The following CHKA variants were observed in gnomAD, a reference collection of about 807,000 sequenced individuals.
The protein encoded by CHKA is choline kinase alpha, also known as CHETK-alpha.
A neutral mutation model predicts 60.1 loss-of-function variants in CHKA; 34 were observed. The ratio of observed to expected loss-of-function variants is 0.57; its 90% CI spans 0.43 to 0.75. The LOEUF (loss-of-function observed/expected upper bound fraction) is 0.75, where lower values mean the gene tolerates loss of function less well. CHKA is among the 30% of genes least tolerant of loss of function. CHKA has a pLI of 0.00. For missense variants in CHKA, 563 were observed against 561.3 expected, an observed-to-expected ratio of 1.00 and a Z score of -0.03; for synonymous variants, 217 against 223.1, an observed-to-expected ratio of 0.97 and a Z score of 0.24.
At chr11:68,065,212 G>C (rs1466219777) in intron 9 of CHKA, among the ~76,000 whole-genome samples, 1 of 152,178 alleles carries the variant, frequency 6.6e-6, no homozygotes, top group African/African-American at 2.4e-5. Context: ...CCAGAAAGCA[G>C]AATCAAGGCT....
At chr11:68,075,612 C>T (rs1468893213) in intron 3 of CHKA, among the ~76,000 whole-genome samples, 1 of 152,054 alleles carries the variant, frequency 6.6e-6, no homozygotes, top group Non-Finnish European at 1.5e-5. Context: ...GAAGGAGTCA[C>T]GCTTACCCAG....
At position 68,111,636 on chromosome 11, in the gene CHKA, C is replaced by G. The variant is rs1422561283; in HGVS notation, c.350+9192G>C. Among the ~76,000 whole-genome samples the G allele has an allele frequency of 4.6e-5, 7 of 152,210 alleles. No homozygotes were observed. The East Asian group carries it at 1.4e-3, about 29-fold the overall frequency. ...TTGGCAAAAGAAAGGACAAATGGATCAATGGAACAGACTAGAGAGTACAGA... is the reference window on the plus strand; with the variant it reads ...TTGGCAAAAGAAAGGACAAATGGATGAATGGAACAGACTAGAGAGTACAGA... On this transcript the variant is annotated intron_variant, in intron 1 of 11. Transcript: ENST00000265689.
At chr11:68,113,560 G>T (rs1416647423) in intron 1 of CHKA, among the ~76,000 whole-genome samples, 1 of 152,156 alleles carries the variant, frequency 6.6e-6, no homozygotes, top group East Asian at 1.9e-4. Context: ...GCCGGGCATG[G>T]TGGCAGGCGC....
intron 1 of CHKA, among the ~76,000 whole-genome samples, chr11:68,101,910 G>A (rs1293119031): frequency 6.6e-6 from 1 of 151,910 alleles, no homozygotes; most frequent in Admixed American, 6.6e-5. Flanking sequence ...GACCAGCCTC[G>A]CCAACATGAT....
intron 2 of CHKA, 69 bp downstream of exon 2, chr11:68,096,950 G>C: frequency 9.5e-7 from 1 of 1,050,090 alleles, no homozygotes; most frequent in Non-Finnish European, 1.4e-6. Flanking sequence ...CTCTTTCCAA[G>C]GTATCTCAGC....
chr11:68,066,344 C>A lies in CHKA; in HGVS notation c.1016+85G>T. On this transcript the variant is annotated intron_variant, in intron 8 of 11. Coordinates refer to ENST00000265689, the MANE Select transcript of CHKA (RefSeq NM_001277.3). Reference sequence around the variant, plus strand: ...CTTGCAACTCAGAGCGGCATTTTGACTTATTTTCTCTAATAACTGTTAATT... The same window carrying A: ...CTTGCAACTCAGAGCGGCATTTTGAATTATTTTCTCTAATAACTGTTAATT... The A allele has an allele frequency of 2.5e-6, 3 of 1,199,136 alleles. No individual in the cohort carries two copies. In the South Asian group the frequency reaches 3.8e-5, roughly 15 times the overall value. The allele number at this position is 1,199,136 out of a possible 1,614,324, so 74.3% of individuals were successfully genotyped here.
chr11:68,084,365 TATATAC>T (rs1857101298), intron 2 of CHKA, among the ~76,000 whole-genome samples: 1 of 126,576 alleles, frequency 7.9e-6, no homozygotes, highest in Non-Finnish European at 1.7e-5. Context: ...TATATACACA[TATATAC>T]GTATATGTGT....
rs765319022 is a variant in CHKA, at chr11:68,064,605, A to C, written c.1152T>G (p.Pro384=). 3 of 1,594,196 alleles carry C rather than the reference A, an allele frequency of 1.9e-6. No individual in the cohort carries two copies. Among genetic ancestry groups the C allele is most frequent in the Non-Finnish European group, 2.6e-6 (3 of 1,172,020 alleles). Residue 384 remains proline, a synonymous_variant, in exon 10 of 12, where the codon CCT becomes CCG. Coordinates refer to ENST00000265689, the MANE Select transcript of CHKA (RefSeq NM_001277.3). ...QQLHFISSYL[P]AFQNDFENLS... ...GGTTTTCAAAGTCATTTTGGAATGC[A>C]GGCAAGTAACTGGAAATAAAATGGA...
intron 3 of CHKA, among the ~76,000 whole-genome samples, chr11:68,078,987 G>T (rs1856884227): frequency 6.6e-6 from 1 of 151,946 alleles, no homozygotes; most frequent in African/African-American, 2.4e-5. Flanking sequence ...AGGCTGGAGT[G>T]CAGTGGCAAG....
intron 2 of CHKA, among the ~76,000 whole-genome samples, chr11:68,094,621 T>C (rs1857443246): frequency 6.6e-6 from 1 of 152,224 alleles, no homozygotes; most frequent in African/African-American, 2.4e-5. Flanking sequence ...TGCAACCTGA[T>C]TAAATTTAAA....
Position 68,120,816 on chromosome 11 carries a change from G to C in CHKA, c.350+12C>G, listed in dbSNP as rs1858609108. On this transcript the variant is annotated intron_variant, in intron 1 of 11. Transcript: ENST00000265689. ...TGACTGTCCCGCGGCCCCCAGACCC[G>C]GCGCCACCGACCTGATGACACTGAT... 1.3e-5 allele frequency: 15 copies of C among 1,148,152 alleles called. No homozygotes were observed. The highest frequency in any genetic ancestry group is 1.5e-5 in the Non-Finnish European group (14 of 922,348). The allele number at this position is 1,148,152 out of a possible 1,614,324, so 71.1% of individuals were successfully genotyped here. A position where few individuals can be genotyped will look rare whatever the true frequency, so the allele number is the denominator to read the frequency against.
At chr11:68,103,521 T>C (rs758453207) in intron 1 of CHKA, among the ~76,000 whole-genome samples, 22 of 152,040 alleles carry the variant, frequency 1.4e-4, no homozygotes, top group Non-Finnish European at 2.9e-4. Flanking sequence ...CAATGTAAGT[T>C]AGTACAGATA....
chr11:68,075,123 T>C (rs1163553013), intron 3 of CHKA, among the ~76,000 whole-genome samples: 1 of 152,210 alleles, frequency 6.6e-6, no homozygotes, highest in East Asian at 1.9e-4. Context: ...TCAGTGCTTT[T>C]ATTGCTTCTA....
chr11:68,056,354 T>A (rs1433269665), intron 11 of CHKA, among the ~76,000 whole-genome samples: 1 of 152,214 alleles, frequency 6.6e-6, no homozygotes, highest in Non-Finnish European at 1.5e-5. Context: ...AGCTAGACTC[T>A]AATCTGACTG....
chr11:68,095,038 T>C (rs951290375), intron 2 of CHKA, among the ~76,000 whole-genome samples: 2 of 152,158 alleles, frequency 1.3e-5, no homozygotes, highest in African/African-American at 2.4e-5. Flanking sequence ...GCCGGTCTTT[T>C]AAAAAATTTA....
At chr11:68,076,007 C>T (rs1490278353) in intron 3 of CHKA, among the ~76,000 whole-genome samples, 9 of 152,124 alleles carry the variant, frequency 5.9e-5, no homozygotes, top group African/African-American at 1.7e-4. Flanking sequence ...GGAAATGATA[C>T]AGTACTATAG....
chr11:68,117,960 CAG>C (rs1287507681), intron 1 of CHKA, among the ~76,000 whole-genome samples: 1 of 152,136 alleles, frequency 6.6e-6, no homozygotes, highest in African/African-American at 2.4e-5. Flanking sequence ...TGGGGGAATG[CAG>C]AGTTAGAAAT....
chr11:68,100,773 A>G (rs1487392261), intron 1 of CHKA, among the ~76,000 whole-genome samples: 3 of 151,556 alleles, frequency 2.0e-5, no homozygotes, highest in Admixed American at 6.6e-5. Context: ...CTTATTCCAC[A>G]CTCAACACAA....
intron 2 of CHKA, among the ~76,000 whole-genome samples, chr11:68,085,988 C>T (rs1043756964): frequency 1.3e-5 from 2 of 152,014 alleles, no homozygotes; most frequent in South Asian, 2.1e-4. Context: ...TATTACAGAG[C>T]ACAGGTTTTC....
Sources: gnomAD v4.1 joint callset for allele counts (sites outside exome capture counted in the v4.1 genomes callset) on GRCh38, gnomAD v4.1.1 for gene constraint, MANE v1.5 for transcripts, NCBI Gene and HGNC (gene_info 2026-07-23, HGNC 2026-07-21) for gene names.